PCDH9: variants seen among roughly 807,000 people sequenced by gnomAD.
PCDH9 encodes the protein protocadherin 9.
A neutral mutation model predicts 70.6 loss-of-function variants in PCDH9; 24 were observed. The observed-to-expected ratio is 0.34, with a 90% CI of 0.25 to 0.48. PCDH9 has a LOEUF of 0.48. PCDH9 is among the 20% of genes least tolerant of loss of function. The probability of loss-of-function intolerance (pLI) is 0.99; values close to 1 mark genes in which losing one functional copy is unlikely to be tolerated. For missense variants in PCDH9, 1,281 were observed against 1,503.6 expected (o/e 0.85, Z 2.45); for synonymous variants, 562 against 558.5 (o/e 1.01, Z -0.09).
intron 2 of PCDH9, among the ~76,000 whole-genome samples, chr13:66,955,676 G>C (rs1320890940): frequency 6.6e-6 from 1 of 152,178 alleles, no homozygotes; most frequent in Non-Finnish European, 1.5e-5. Flanking sequence ...AACTGGTCAA[G>C]AGGGATGAAC....
intron 4 of PCDH9, among the ~76,000 whole-genome samples, chr13:66,308,559 C>T (rs1214099126): frequency 1.3e-5 from 2 of 152,094 alleles, no homozygotes; most frequent in African/African-American, 4.8e-5. Flanking sequence ...TGGGAGAAGC[C>T]TTTCAGGCAG....
chr13:67,139,588 A>G (rs1384979892), intron 2 of PCDH9, among the ~76,000 whole-genome samples: 2 of 152,204 alleles, frequency 1.3e-5, no homozygotes, highest in Non-Finnish European at 2.9e-5. Flanking sequence ...AACATATCTC[A>G]AATATACTAC....
At chr13:66,678,333 A>C (rs1452550522) in intron 3 of PCDH9, among the ~76,000 whole-genome samples, 1 of 152,222 alleles carries the variant, frequency 6.6e-6, no homozygotes, top group African/African-American at 2.4e-5. Context: ...ATATAAATTA[A>C]CGCAATTAAT....
At position 66,544,794 on chromosome 13, in the gene PCDH9, G is replaced by A. The variant is rs190193928; in HGVS notation, c.3340+86416C>T. 1.3e-4 allele frequency among the ~76,000 whole-genome samples: 20 copies of A among 152,128 alleles called. No individual in the cohort carries two copies. The South Asian group carries it at 2.5e-3, about 19-fold the overall frequency. ...TTGTAAACTGTCATGAGATTGATGC[G>A]GCCATCAATACATCTTATGCTAATT... On this transcript the variant is annotated intron_variant, in intron 4 of 4. Coordinates refer to ENST00000377865, the MANE Select transcript of PCDH9 (RefSeq NM_203487.3).
chr13:66,410,285 G>A (rs1019999922), intron 4 of PCDH9, among the ~76,000 whole-genome samples: 1 of 151,796 alleles, frequency 6.6e-6, no homozygotes, highest in African/African-American at 2.4e-5. Flanking sequence ...TCTATATAAG[G>A]ATTAGTACCC....
intron 2 of PCDH9, among the ~76,000 whole-genome samples, chr13:67,190,221 A>T (rs1391292819): frequency 6.6e-6 from 1 of 152,030 alleles, no homozygotes; most frequent in Admixed American, 6.6e-5. Context: ...TTTGATACCC[A>T]GTTCATCTTA....
chr13:66,439,041 A>AT (rs1957928346), intron 4 of PCDH9, among the ~76,000 whole-genome samples: 1 of 152,190 alleles, frequency 6.6e-6, no homozygotes, highest in African/African-American at 2.4e-5. Flanking sequence ...ATAATGAAAA[A>AT]ACATATTTAT....
chr13:67,059,603 C>T (rs1475542482), intron 2 of PCDH9, among the ~76,000 whole-genome samples: 1 of 151,356 alleles, frequency 6.6e-6, no homozygotes. Flanking sequence ...AGAGTCCAGG[C>T]ACATACGGCT....
chr13:66,547,288 C>T (rs1961249647), intron 4 of PCDH9, among the ~76,000 whole-genome samples: 1 of 152,180 alleles, frequency 6.6e-6, no homozygotes, highest in Non-Finnish European at 1.5e-5. Flanking sequence ...TATTCTTAAT[C>T]TGAGGGTATT....
At chr13:67,173,185 G>T (rs1410249757) in intron 2 of PCDH9, among the ~76,000 whole-genome samples, 2 of 152,124 alleles carry the variant, frequency 1.3e-5, no homozygotes, top group Admixed American at 6.5e-5. Context: ...AATAAAGCAA[G>T]AGGAGGGAGG....
intron 2 of PCDH9, among the ~76,000 whole-genome samples, chr13:66,967,503 G>A (rs2083449831): frequency 6.6e-6 from 1 of 152,002 alleles, no homozygotes; most frequent in African/African-American, 2.4e-5. Flanking sequence ...AGTTCTTTAG[G>A]AGAGTGCTGT....
chr13:66,481,138 A>C (rs1026013515), intron 4 of PCDH9, among the ~76,000 whole-genome samples: 2 of 151,980 alleles, frequency 1.3e-5, no homozygotes, highest in Admixed American at 1.3e-4. Flanking sequence ...GGAACATTAC[A>C]TACCGGGGCC....
chr13:66,899,050 G>A (rs537877627), intron 3 of PCDH9, among the ~76,000 whole-genome samples: 4 of 151,978 alleles, frequency 2.6e-5, no homozygotes, highest in African/African-American at 7.2e-5. Flanking sequence ...CTCCTCTCAC[G>A]CACCCCTCTT....
chr13:67,153,492 C>G (rs2087715036), intron 2 of PCDH9, among the ~76,000 whole-genome samples: 1 of 152,136 alleles, frequency 6.6e-6, no homozygotes, highest in African/African-American at 2.4e-5. Flanking sequence ...AAACAAGTAT[C>G]TTATAGCACT....
intron 2 of PCDH9, among the ~76,000 whole-genome samples, chr13:67,006,896 A>G (rs1250481452): frequency 1.3e-5 from 2 of 152,230 alleles, no homozygotes; most frequent in Non-Finnish European, 2.9e-5. Flanking sequence ...ACAACTTCAA[A>G]TATTTTTGCA....
At chr13:66,573,723 G>C (rs985961966) in intron 4 of PCDH9, among the ~76,000 whole-genome samples, 23 of 149,750 alleles carry the variant, frequency 1.5e-4, no homozygotes, top group Non-Finnish European at 1.0e-4. Context: ...ATTTTGTTGA[G>C]AGCAGTTGGG....
chr13:67,074,594 C>T (rs761813197), intron 2 of PCDH9, among the ~76,000 whole-genome samples: 29 of 152,064 alleles, frequency 1.9e-4, no homozygotes, highest in Non-Finnish European at 3.5e-4. Flanking sequence ...TATTTACTTC[C>T]TGAAGTACCA....
Position 67,228,409 on chromosome 13 carries a change from G to A in PCDH9, c.32C>T (p.Ala11Val). The A allele has an allele frequency of 6.3e-7, 1 of 1,597,136 alleles. No individual in the cohort carries two copies. The highest frequency in any genetic ancestry group is 8.5e-7 in the Non-Finnish European group (1 of 1,172,714). MDLRDFYLLA[A>V]LIACLRLDSA... ...ATCCAGCCTTAAACAGGCAATCAGA[G>A]CAGCCAACAGGTAAAAATCCCTCAG... The change falls in exon 2 of 5, where the codon GCT becomes GTT. Residue 11 changes from alanine (A) to valine (V), a missense_variant. Ala to Val is a moderately conservative substitution (Grantham distance 64). Around this residue, in one of 4 missense-constraint regions of PCDH9, gnomAD observed 798 missense variants for 1,003.1 expected, o/e 0.80. Coordinates refer to ENST00000377865, the MANE Select transcript of PCDH9 (RefSeq NM_203487.3).
intron 4 of PCDH9, among the ~76,000 whole-genome samples, chr13:66,534,251 T>A (rs1350408368): frequency 6.6e-6 from 1 of 152,170 alleles, no homozygotes; most frequent in Non-Finnish European, 1.5e-5. Flanking sequence ...AGATGGATTG[T>A]TTTGAGTTGT....
Sources: gnomAD v4.1 joint callset for allele counts (sites outside exome capture counted in the v4.1 genomes callset) on GRCh38, gnomAD v4.1.1 for gene constraint, gnomAD v4.1.1 regional missense constraint, MANE v1.5 for transcripts, NCBI Gene and HGNC (gene_info 2026-07-23, HGNC 2026-07-21) for gene names.